The following CTTNBP2 variants were observed in gnomAD, a reference collection of about 807,000 sequenced individuals.
CTTNBP2 encodes cortactin-binding protein 2.
In CTTNBP2, 108 loss-of-function variants were observed where a neutral mutation model predicts 156.9. The observed-to-expected ratio is 0.69, with a 90% confidence interval of 0.59 to 0.81. The LOEUF is 0.81. Among genes scored for constraint, CTTNBP2 ranks in the 30% least tolerant of loss-of-function variants. CTTNBP2 has a pLI of 0.00. For missense variants in CTTNBP2, 1,924 were observed against 2,035.4 expected (o/e 0.95, Z 1.05); for synonymous variants, 767 against 751.8 (o/e 1.02, Z -0.33).
chr7:117,869,302 C>T (rs1173105073), intron 1 of CTTNBP2, among the ~76,000 whole-genome samples: 1 of 152,150 alleles, frequency 6.6e-6, no homozygotes, highest in Non-Finnish European at 1.5e-5. Context: ...AATAATTTCA[C>T]TATAAGATAG....
chr7:117,836,501 G>T (rs1487639413), intron 2 of CTTNBP2, among the ~76,000 whole-genome samples: 11 of 152,250 alleles, frequency 7.2e-5, no homozygotes, highest in East Asian at 3.9e-4. Flanking sequence ...AGGCGGAGCT[G>T]GCAGTGAGCT....
chr7:117,780,440 CTG>C lies in CTTNBP2; in HGVS notation c.2522_2523del (p.Thr841ArgfsTer14). The C allele has an allele frequency of 6.4e-7, 1 of 1,553,282 alleles. No individual in the cohort carries two copies. The highest frequency in any genetic ancestry group is 1.4e-5 in the African/African-American group (1 of 71,634). Reference protein sequence around the residue: ...EAGTNRSVKTTDGWTPVHAAV... With the variant: ...EAGTNRSVKTXDGWTPVHAAV... ...GGGGAAAAAAACAGACTGCTACTCA[CTG>C]TGGTTTTTACACTTCGATTGGTTCC... On this transcript the variant is annotated frameshift_variant and splice_region_variant, in exon 7 of 23. Transcript: ENST00000160373. LOFTEE classifies it high-confidence loss of function.
rs1206874931 is a variant in CTTNBP2, at chr7:117,810,842, C to T, written c.337G>A (p.Ala113Thr). The T allele has an allele frequency of 1.9e-6, 3 of 1,613,966 alleles. No homozygotes were observed. The highest frequency in any genetic ancestry group is 2.5e-6 in the Non-Finnish European group (3 of 1,180,008). Residue 113 changes from alanine to threonine, a missense_variant, in exon 3 of 23, where the codon GCA becomes ACA. Physicochemically the swap from Ala to Thr is moderately conservative, Grantham distance 58. Transcript: ENST00000160373. ...ATTTTCTTGCAGTGGGCCATGACTG[C>T]TTCAAGGATGGAGAGGGGGTTGGTA... ...VCTNPLSILE[A>T]VMAHCKKMQE...
In CTTNBP2 at chr7:117,714,516, GTTAA is replaced by G. The variant is rs1437065793; in HGVS notation, c.4747-2738_4747-2735del. Among the ~76,000 whole-genome samples the G allele has an allele frequency of 7.9e-5, 12 of 152,218 alleles. No homozygotes were observed. In the South Asian group the frequency reaches 1.9e-3, roughly 24 times the overall value. On this transcript the variant is annotated intron_variant, in intron 22 of 22. Coordinates refer to ENST00000160373, the MANE Select transcript of CTTNBP2 (RefSeq NM_033427.3). ...TTGCCATTATTGTCAAATCTACAGA[GTTAA>G]TTAATGCCATGGCCCAGAGGAAGGA...
chr7:117,781,696 C>T (rs1798444710), intron 6 of CTTNBP2, among the ~76,000 whole-genome samples: 1 of 152,174 alleles, frequency 6.6e-6, no homozygotes, highest in Non-Finnish European at 1.5e-5. Flanking sequence ...TGAGATTGCA[C>T]CACTATACTC....
At chr7:117,711,867 A>T (rs1222302336) in intron 22 of CTTNBP2, 85 bp from the exon 23 acceptor site, 1 of 1,349,768 alleles carries the variant, frequency 7.4e-7, no homozygotes, top group African/African-American at 1.5e-5. Flanking sequence ...GAGCAAATGT[A>T]CAGGAGTTTC....
chr7:117,785,702 C>A (rs571215867), intron 4 of CTTNBP2, among the ~76,000 whole-genome samples: 1 of 152,290 alleles, frequency 6.6e-6, no homozygotes, highest in African/African-American at 2.4e-5. Flanking sequence ...AGGAACTATA[C>A]CATTTGGATT....
intron 2 of CTTNBP2, among the ~76,000 whole-genome samples, chr7:117,823,058 C>A (rs1293085959): frequency 6.6e-6 from 1 of 152,180 alleles, no homozygotes; most frequent in Non-Finnish European, 1.5e-5. Context: ...TCCCTTTTAT[C>A]ATTATAAACT....
intron 4 of CTTNBP2, among the ~76,000 whole-genome samples, chr7:117,789,457 T>C (rs1375631368): frequency 6.6e-6 from 1 of 152,204 alleles, no homozygotes; most frequent in Non-Finnish European, 1.5e-5. Context: ...TGCCCAAAGA[T>C]CTTATAGTAC....
At chr7:117,781,402 A>T (rs1393998399) in intron 6 of CTTNBP2, among the ~76,000 whole-genome samples, 1 of 152,096 alleles carries the variant, frequency 6.6e-6, no homozygotes, top group Non-Finnish European at 1.5e-5. Flanking sequence ...CATTTTTTTT[A>T]AATTAAGTGA....
intron 2 of CTTNBP2, among the ~76,000 whole-genome samples, chr7:117,847,819 CTTTTTTT>C (rs201419286): frequency 3.4e-4 from 31 of 91,348 alleles, no homozygotes; most frequent in Non-Finnish European, 4.9e-4. Flanking sequence ...TTTGCCTAAC[CTTTTTTT>C]TTTTTTTTTT....
At chr7:117,735,203 G>T in intron 15 of CTTNBP2, 66 bp downstream of exon 15, 5 of 1,590,428 alleles carry the variant, frequency 3.1e-6, no homozygotes, top group South Asian at 1.1e-5. Context: ...CTGGTACTCT[G>T]GGAAACAGAA....
intron 11 of CTTNBP2, among the ~76,000 whole-genome samples, chr7:117,756,882 G>C (rs1222606994): frequency 2.0e-5 from 3 of 152,050 alleles, no homozygotes; most frequent in Non-Finnish European, 4.4e-5. Flanking sequence ...CCACCCCCTG[G>C]GATGCCCACC....
chr7:117,795,118 G>A (rs1379956580), intron 3 of CTTNBP2, among the ~76,000 whole-genome samples: 2 of 149,798 alleles, frequency 1.3e-5, no homozygotes, highest in East Asian at 2.0e-4. Context: ...GGATGGTCTC[G>A]ATCTCCTGAC....
chr7:117,711,277 C>A lies in CTTNBP2; in HGVS notation c.*260G>T. On this transcript the variant is annotated 3_prime_UTR_variant, in exon 23 of 23. Coordinates refer to ENST00000160373, the MANE Select transcript of CTTNBP2 (RefSeq NM_033427.3). The stretch of plus-strand genomic sequence containing the variant: ...CTGAACATCTTGATTAAAACTATTA[C>A]AATTTTTCTATTATAAAACTACTTG... The A allele has an allele frequency of 2.7e-6, 1 of 370,986 alleles. No homozygotes were observed. Among genetic ancestry groups the A allele is most frequent in the South Asian group, 3.4e-5 (1 of 29,850 alleles). The allele number at this position is 370,986 out of a possible 1,614,324, so 23.0% of individuals were successfully genotyped here. A position where few individuals can be genotyped will look rare whatever the true frequency, so the allele number is the denominator to read the frequency against.
At chr7:117,789,960 T>C (rs769894463) in intron 4 of CTTNBP2, among the ~76,000 whole-genome samples, 11 of 152,238 alleles carry the variant, frequency 7.2e-5, no homozygotes, top group Non-Finnish European at 1.3e-4. Flanking sequence ...TGATAGCTTA[T>C]AATTGGACAA....
At chr7:117,765,314 A>G (rs2116685554) in intron 9 of CTTNBP2, among the ~76,000 whole-genome samples, 1 of 152,300 alleles carries the variant, frequency 6.6e-6, no homozygotes, top group Admixed American at 6.5e-5. Flanking sequence ...CTAAATGCAT[A>G]TCCTGTCTTT....
intron 2 of CTTNBP2, among the ~76,000 whole-genome samples, chr7:117,840,289 T>C (rs564972283): frequency 6.3e-4 from 96 of 151,778 alleles, no homozygotes; most frequent in African/African-American, 2.2e-3. Flanking sequence ...AGTTGAAAAG[T>C]AAGGGGATAT....
intron 2 of CTTNBP2, among the ~76,000 whole-genome samples, chr7:117,841,207 T>C (rs147293068): frequency 1.6e-4 from 24 of 152,354 alleles, no homozygotes; most frequent in African/African-American, 5.8e-4. Context: ...GAGTCTGGTA[T>C]CTGCTTCTTC....
Sources: gnomAD v4.1 joint callset for allele counts (sites outside exome capture counted in the v4.1 genomes callset) on GRCh38, gnomAD v4.1.1 for gene constraint, MANE v1.5 for transcripts, NCBI Gene and HGNC (gene_info 2026-07-23, HGNC 2026-07-21) for gene names.